SPSB4: variants seen among roughly 807,000 people sequenced by gnomAD.
The protein encoded by SPSB4 is splA/ryanodine receptor domain and SOCS box containing 4.
Under a neutral mutation model 20.9 loss-of-function variants are expected in SPSB4, and 21 were observed. That is an observed-to-expected ratio of 1.01 (90% CI 0.71 to 1.45). The LOEUF (loss-of-function observed/expected upper bound fraction) is 1.45. Among genes scored for constraint, SPSB4 ranks in the 40% most tolerant of loss-of-function variants. The pLI is 0.00. For missense variants in SPSB4, 399 were observed against 399.2 expected, an observed-to-expected ratio of 1.00 and a Z score of 0.00; for synonymous variants, 207 against 183.8, an observed-to-expected ratio of 1.13 and a Z score of -1.02.
chr3:141,131,817 A>G (rs1939135489), intron 2 of SPSB4, among the ~76,000 whole-genome samples: 1 of 152,194 alleles, frequency 6.6e-6, no homozygotes. Context: ...TTTGGTGAAC[A>G]TGTATATGCT....
At chr3:141,127,159 C>T (rs368301073) in intron 2 of SPSB4, among the ~76,000 whole-genome samples, 1 of 152,254 alleles carries the variant, frequency 6.6e-6, no homozygotes, top group Admixed American at 6.5e-5. Context: ...CAATAGTGAA[C>T]ACCCATGTGG....
At chr3:141,091,548 C>T (rs1938449801) in intron 2 of SPSB4, among the ~76,000 whole-genome samples, 1 of 152,224 alleles carries the variant, frequency 6.6e-6, no homozygotes, top group East Asian at 1.9e-4. Context: ...TCCTTCCCAT[C>T]TGACAAGTGA....
chr3:141,127,186 G>T (rs762682069), intron 2 of SPSB4, among the ~76,000 whole-genome samples: 4 of 152,238 alleles, frequency 2.6e-5, no homozygotes, highest in Non-Finnish European at 5.9e-5. Context: ...AGGGCTGGGG[G>T]GTGCAGCAGC....
chr3:141,142,462 A>G (rs1445605624), intron 2 of SPSB4, among the ~76,000 whole-genome samples: 2 of 152,184 alleles, frequency 1.3e-5, no homozygotes, highest in African/African-American at 4.8e-5. Flanking sequence ...GTGGCCTATC[A>G]TGTTGTCTAT....
chr3:141,088,534 T>A (rs1266056072), intron 2 of SPSB4, among the ~76,000 whole-genome samples: 2 of 152,220 alleles, frequency 1.3e-5, no homozygotes, highest in Non-Finnish European at 2.9e-5. Context: ...TCAGTTTTGC[T>A]TTCTCCTAAG....
intron 2 of SPSB4, among the ~76,000 whole-genome samples, chr3:141,123,394 C>G (rs1052455767): frequency 2.0e-5 from 3 of 152,204 alleles, no homozygotes; most frequent in Non-Finnish European, 2.9e-5. Flanking sequence ...TGCTCTTTTC[C>G]TTATAGATTT....
intron 2 of SPSB4, among the ~76,000 whole-genome samples, chr3:141,111,354 CTTTTTT>C (rs34223433): frequency 5.0e-4 from 31 of 61,808 alleles, no homozygotes; most frequent in African/African-American, 1.1e-3. Context: ...CTGGAACTTG[CTTTTTT>C]TTTTTTTTTT....
intron 2 of SPSB4, among the ~76,000 whole-genome samples, chr3:141,124,755 G>A (rs1939024626): frequency 6.6e-6 from 1 of 152,156 alleles, no homozygotes. Flanking sequence ...AAGTACAGCA[G>A]TAAGGAGGAA....
chr3:141,066,403 G>C lies in SPSB4; in HGVS notation c.299G>C (p.Trp100Ser), dbSNP rs1367163010. 10 of 1,535,822 alleles carry C rather than the reference G, an allele frequency of 6.5e-6. No individual in the cohort carries two copies. The highest frequency in any genetic ancestry group is 7.9e-6 in the Non-Finnish European group (9 of 1,142,258). The change falls in exon 2 of 3, where the codon TGG becomes TCG. Residue 100 changes from tryptophan (W) to serine (S), a missense_variant. Coordinates refer to ENST00000310546, the MANE Select transcript of SPSB4 (RefSeq NM_080862.3). Reference sequence around the variant, plus strand: ...GGCCACGCCCGCGGCCTGCACGCCTGGCAGATCAACTGGCCGGCTCGGCAG... The same window carrying C: ...GGCCACGCCCGCGGCCTGCACGCCTCGCAGATCAACTGGCCGGCTCGGCAG... ...KVGHARGLHA[W>S]QINWPARQRG...
rs747531401 is a variant in SPSB4, at chr3:141,147,301, A to G, written c.*32A>G. 4 of 1,613,318 alleles carry G rather than the reference A, an allele frequency of 2.5e-6. No individual in the cohort carries two copies. The East Asian group carries it at 6.7e-5, about 27-fold the overall frequency. On this transcript the variant is annotated 3_prime_UTR_variant, in exon 3 of 3. Transcript: ENST00000310546. ...CCTGATGGGCAGCACAGACACAGAC[A>G]CACACCGCAGGGCCCGACCCTCCTG...
At chr3:141,058,576 C>T (rs1937701943) in intron 1 of SPSB4, among the ~76,000 whole-genome samples, 1 of 152,132 alleles carries the variant, frequency 6.6e-6, no homozygotes, top group Non-Finnish European at 1.5e-5. Flanking sequence ...CCCAGTGCTG[C>T]ATGCTGTAGT....
chr3:141,128,562 C>T (rs373527595), intron 2 of SPSB4, among the ~76,000 whole-genome samples: 28 of 152,098 alleles, frequency 1.8e-4, no homozygotes, highest in African/African-American at 5.1e-4. Flanking sequence ...TGAGTGAGCA[C>T]GCAGCCCCCA....
chr3:141,073,967 G>C (rs570531669), intron 2 of SPSB4, among the ~76,000 whole-genome samples: 109 of 152,352 alleles, frequency 7.2e-4, no homozygotes, highest in Non-Finnish European at 1.0e-3. Flanking sequence ...GCCTCGATCA[G>C]ATGCTGTGGC....
At chr3:141,092,984 G>T (rs1387266464) in intron 2 of SPSB4, among the ~76,000 whole-genome samples, 1 of 152,190 alleles carries the variant, frequency 6.6e-6, no homozygotes, top group Non-Finnish European at 1.5e-5. Flanking sequence ...CTTGCTCAGA[G>T]GAGGCTGTAG....
chr3:141,146,505 G>T (rs571355145), intron 2 of SPSB4, among the ~76,000 whole-genome samples: 1 of 152,160 alleles, frequency 6.6e-6, no homozygotes, highest in African/African-American at 2.4e-5. Context: ...GGCCGGGCGC[G>T]GTGGCTCACG....
At chr3:141,139,259 A>G (rs1374271021) in intron 2 of SPSB4, among the ~76,000 whole-genome samples, 1 of 152,198 alleles carries the variant, frequency 6.6e-6, no homozygotes, top group East Asian at 1.9e-4. Context: ...TCCTGAACAC[A>G]GCACACTGAT....
At chr3:141,097,209 G>A (rs966639938) in intron 2 of SPSB4, among the ~76,000 whole-genome samples, 5 of 152,154 alleles carry the variant, frequency 3.3e-5, no homozygotes, top group Non-Finnish European at 7.3e-5. Flanking sequence ...CTGTAGTCTG[G>A]CCAGGGCCTT....
At chr3:141,078,308 C>T (rs147436476) in intron 2 of SPSB4, among the ~76,000 whole-genome samples, 2 of 152,370 alleles carry the variant, frequency 1.3e-5, no homozygotes, top group African/African-American at 2.4e-5. Flanking sequence ...GGGCTTGGAA[C>T]GTGTGTGTCA....
At chr3:141,074,487 G>A (rs1226041020) in intron 2 of SPSB4, among the ~76,000 whole-genome samples, 2 of 152,192 alleles carry the variant, frequency 1.3e-5, no homozygotes, top group African/African-American at 4.8e-5. Flanking sequence ...GGAATCTGTG[G>A]TGGTTTGGAT....
Sources: allele counts gnomAD v4.1 joint callset (sites outside exome capture counted in the v4.1 genomes callset), GRCh38; gene constraint gnomAD v4.1.1; transcripts MANE v1.5; gene names NCBI Gene and HGNC (gene_info 2026-07-23, HGNC 2026-07-21).